Variants in GBE1 observed in about 807,000 individuals in gnomAD.
GBE1 encodes the protein 1,4-alpha-glucan-branching enzyme.
A neutral mutation model predicts 88.8 loss-of-function variants in GBE1; 70 were observed. The observed-to-expected ratio is 0.79, with a 90% confidence interval of 0.65 to 0.96. GBE1 has a LOEUF of 0.96. GBE1 is among the 40% of genes least tolerant of loss of function. GBE1 has a pLI of 0.00. For missense variants in GBE1, 872 were observed against 871.0 expected (o/e 1.00, Z -0.01); for synonymous variants, 284 against 300.1 (o/e 0.95, Z 0.56).
chr3:81,747,064 A>G (rs1706428147), intron 1 of GBE1, among the ~76,000 whole-genome samples: 1 of 152,204 alleles, frequency 6.6e-6, no homozygotes, highest in African/African-American at 2.4e-5. Context: ...ACTTAAACCT[A>G]AAACATTACA....
At chr3:81,638,797 T>C (rs1704629436) in intron 7 of GBE1, among the ~76,000 whole-genome samples, 2 of 152,194 alleles carry the variant, frequency 1.3e-5, no homozygotes, top group African/African-American at 2.4e-5. Flanking sequence ...GTAACTTTGA[T>C]GATGGCACTT....
At chr3:81,663,600 G>T (rs1275774422) in intron 3 of GBE1, among the ~76,000 whole-genome samples, 2 of 152,154 alleles carry the variant, frequency 1.3e-5, no homozygotes, top group Non-Finnish European at 2.9e-5. Context: ...AGTATACCAA[G>T]GCAAGAACCC....
In GBE1 at chr3:81,670,249, T is replaced by C. The variant is rs147449345; in HGVS notation, c.429+589A>G. 1.9e-4 allele frequency among the ~76,000 whole-genome samples: 29 copies of C among 152,212 alleles called. No homozygotes were observed. In the East Asian group the frequency reaches 5.6e-3, roughly 29 times the overall value. ...AGACCTTGAATGCAAAACCACATGG[T>C]CAACGAAAGCAGAGGGAGTGTGGAG... On this transcript the variant is annotated intron_variant, in intron 3 of 15. Coordinates refer to ENST00000429644, the MANE Select transcript of GBE1 (RefSeq NM_000158.4).
intron 2 of GBE1, among the ~76,000 whole-genome samples, chr3:81,681,664 C>A (rs1036671496): frequency 6.6e-6 from 1 of 152,134 alleles, no homozygotes; most frequent in Non-Finnish European, 1.5e-5. Context: ...AAGGATGGTT[C>A]AATGGTTTTC....
intron 1 of GBE1, among the ~76,000 whole-genome samples, chr3:81,737,604 C>T (rs1357163669): frequency 1.3e-5 from 2 of 150,920 alleles, no homozygotes; most frequent in Admixed American, 6.6e-5. Context: ...AGCAGTTTTA[C>T]AGAGAATTTT....
At chr3:81,541,053 G>A (rs371867557) in intron 12 of GBE1, among the ~76,000 whole-genome samples, 20 of 152,058 alleles carry the variant, frequency 1.3e-4, no homozygotes, top group African/African-American at 4.8e-4. Context: ...CTGAGGTCAC[G>A]CTGTTGCTGC....
intron 2 of GBE1, among the ~76,000 whole-genome samples, chr3:81,675,108 T>C (rs952683623): frequency 1.3e-5 from 2 of 152,026 alleles, no homozygotes; most frequent in Non-Finnish European, 2.9e-5. Context: ...TTGATGCCAG[T>C]GGCCTCAACT....
intron 14 of GBE1, among the ~76,000 whole-genome samples, chr3:81,513,747 T>C (rs1188868666): frequency 6.6e-6 from 1 of 151,068 alleles, no homozygotes; most frequent in African/African-American, 2.5e-5. Flanking sequence ...AGCTCAAACG[T>C]GGGCGACACT....
intron 14 of GBE1, among the ~76,000 whole-genome samples, chr3:81,526,445 A>G (rs1702945510): frequency 6.6e-6 from 1 of 152,128 alleles, no homozygotes; most frequent in Non-Finnish European, 1.5e-5. Context: ...CTGTTTGCAG[A>G]TGACATGATT....
intron 14 of GBE1, among the ~76,000 whole-genome samples, chr3:81,504,290 C>T (rs115138299): frequency 2.7e-3 from 413 of 151,178 alleles, no homozygotes; most frequent in Non-Finnish European, 4.8e-3. Context: ...AAAATGATAT[C>T]CATCTAAATT....
intron 1 of GBE1, among the ~76,000 whole-genome samples, chr3:81,729,872 A>C (rs1183655534): frequency 6.6e-6 from 1 of 152,136 alleles, no homozygotes; most frequent in East Asian, 1.9e-4. Flanking sequence ...CAGCCAACAA[A>C]GAGCAGGATG....
chr3:81,552,012 A>G (rs1048519922), intron 12 of GBE1, among the ~76,000 whole-genome samples: 2 of 152,218 alleles, frequency 1.3e-5, no homozygotes, highest in African/African-American at 4.8e-5. Context: ...CCTCCCCCTG[A>G]TAAATTATGT....
At chr3:81,663,149 T>C (rs1281908906) in intron 3 of GBE1, among the ~76,000 whole-genome samples, 1 of 152,152 alleles carries the variant, frequency 6.6e-6, no homozygotes, top group African/African-American at 2.4e-5. Flanking sequence ...GCTGGGTCCC[T>C]GGCTAGGGCT....
At chr3:81,712,548 A>C (rs1044005702) in intron 1 of GBE1, among the ~76,000 whole-genome samples, 2 of 152,008 alleles carry the variant, frequency 1.3e-5, no homozygotes, top group African/African-American at 4.8e-5. Flanking sequence ...TATCACAAGG[A>C]CAAAAAACCA....
intron 13 of GBE1, among the ~76,000 whole-genome samples, chr3:81,536,225 A>G (rs978678001): frequency 2.0e-5 from 3 of 152,002 alleles, no homozygotes; most frequent in South Asian, 2.1e-4. Context: ...AAAAAAAAGA[A>G]TCATAGACAC....
chr3:81,678,139 C>T (rs1046126651), intron 2 of GBE1, among the ~76,000 whole-genome samples: 4 of 152,154 alleles, frequency 2.6e-5, no homozygotes, highest in Admixed American at 2.6e-4. Context: ...CTACTACACA[C>T]CTTGGCTGTA....
chr3:81,735,001 T>C (rs1314908062), intron 1 of GBE1, among the ~76,000 whole-genome samples: 1 of 152,192 alleles, frequency 6.6e-6, no homozygotes, highest in Non-Finnish European at 1.5e-5. Context: ...ATCTGATGTA[T>C]CTACACTGTC....
At chr3:81,555,487 G>A (rs866833248) in intron 12 of GBE1, among the ~76,000 whole-genome samples, 2 of 152,156 alleles carry the variant, frequency 1.3e-5, no homozygotes, top group Non-Finnish European at 2.9e-5. Flanking sequence ...AACTTAATGG[G>A]TGCTGCATTT....
intron 10 of GBE1, among the ~76,000 whole-genome samples, chr3:81,582,652 C>G (rs1703750043): frequency 6.6e-6 from 1 of 151,984 alleles, no homozygotes; most frequent in Non-Finnish European, 1.5e-5. Flanking sequence ...GCGGATGTTT[C>G]AACAAATGAT....
Sources: gnomAD v4.1 joint callset for allele counts (sites outside exome capture counted in the v4.1 genomes callset) on GRCh38, gnomAD v4.1.1 for gene constraint, MANE v1.5 for transcripts, NCBI Gene and HGNC (gene_info 2026-07-23, HGNC 2026-07-21) for gene names.